Variants in ZNF385B observed in about 807,000 individuals in gnomAD.
ZNF385B encodes zinc finger protein 385B, also known as zinc finger protein 533.
In ZNF385B, 23 loss-of-function variants were observed where a neutral mutation model predicts 39.2. That is an observed-to-expected ratio of 0.59 (90% confidence interval 0.42 to 0.83). The LOEUF (loss-of-function observed/expected upper bound fraction) is 0.83. ZNF385B is among the 40% of genes least tolerant of loss of function. The probability of loss-of-function intolerance (pLI) is 0.00; values close to 1 mark genes in which losing one functional copy is unlikely to be tolerated. For synonymous variants in ZNF385B, 205 were observed against 222.6 expected, an observed-to-expected ratio of 0.92 and a Z score of 0.70; for missense variants, 552 against 598.9, an observed-to-expected ratio of 0.92 and a Z score of 0.82.
intron 3 of ZNF385B, among the ~76,000 whole-genome samples, chr2:179,676,369 T>C (rs1415402993): frequency 1.3e-5 from 2 of 151,664 alleles, no homozygotes; most frequent in Non-Finnish European, 1.5e-5. Context: ...ATTACAGGCG[T>C]GAGCCACCAC....
intron 3 of ZNF385B, among the ~76,000 whole-genome samples, chr2:179,659,579 A>G (rs1694229175): frequency 6.6e-6 from 1 of 152,046 alleles, no homozygotes; most frequent in Non-Finnish European, 1.5e-5. Context: ...CAGCATATTA[A>G]AATTTTACCT....
chr2:179,552,411 T>C (rs1361935792), intron 3 of ZNF385B, among the ~76,000 whole-genome samples: 1 of 149,390 alleles, frequency 6.7e-6, no homozygotes, highest in East Asian at 1.9e-4. Context: ...ATGCCATTAT[T>C]ATGCATGTTC....
chr2:179,807,925 AGAAAGAAG>A (rs1290710312), intron 1 of ZNF385B, among the ~76,000 whole-genome samples: 60 of 114,308 alleles, frequency 5.2e-4, no homozygotes, highest in East Asian at 3.9e-3. Context: ...AAAGAAAGAA[AGAAAGAAG>A]GAAGGAAGGA....
At chr2:179,718,537 G>T (rs867959637) in intron 3 of ZNF385B, among the ~76,000 whole-genome samples, 6 of 147,640 alleles carry the variant, frequency 4.1e-5, no homozygotes, top group African/African-American at 1.2e-4. Context: ...TAAAGAGAGA[G>T]AGATATATAT....
At chr2:179,649,947 G>A (rs1410692654) in intron 3 of ZNF385B, among the ~76,000 whole-genome samples, 5 of 152,082 alleles carry the variant, frequency 3.3e-5, no homozygotes, top group Non-Finnish European at 5.9e-5. Context: ...ACCTGTTTAC[G>A]TTTCCCAGTA....
chr2:179,521,352 A>ATTT (rs1334913392), intron 4 of ZNF385B, among the ~76,000 whole-genome samples: 27 of 34,526 alleles, frequency 7.8e-4, no homozygotes, highest in Non-Finnish European at 1.3e-3. Flanking sequence ...GCACCTGGCC[A>ATTT]GTTTTTTTTT....
chr2:179,850,562 C>G (rs745886363), intron 1 of ZNF385B, among the ~76,000 whole-genome samples: 1 of 152,168 alleles, frequency 6.6e-6, no homozygotes, highest in Admixed American at 6.5e-5. Context: ...AGGCAACTAC[C>G]ATGTCTGTTC....
chr2:179,614,031 G>A (rs1441215909), intron 3 of ZNF385B, among the ~76,000 whole-genome samples: 1 of 151,818 alleles, frequency 6.6e-6, no homozygotes, highest in Non-Finnish European at 1.5e-5. Flanking sequence ...ATATCACTAT[G>A]GTCTCCCTCC....
In ZNF385B at chr2:179,604,434, A is replaced by G. The variant is rs1202470541; in HGVS notation, c.299-59465T>C. 1.3e-5 allele frequency among the ~76,000 whole-genome samples: 2 copies of G among 152,110 alleles called. 1 individual carries two copies. The highest frequency in any genetic ancestry group is 4.8e-5 in the African/African-American group (2 of 41,454). On this transcript the variant is annotated intron_variant, in intron 3 of 9. Transcript: ENST00000410066. ...AAAATACAAAAATAATTCTGGCCCA[A>G]TAAAAGAATGTCCTATTATCTAGAA...
Position 179,480,535 on chromosome 2 carries a change from T to C in ZNF385B, c.715+2737A>G, listed in dbSNP as rs969264998. On this transcript the variant is annotated intron_variant, in intron 6 of 9. Transcript: ENST00000410066. ...GAATTTAGAAACAGGCAATTAACAA[T>C]ACATTAGGTATTACGTTGTTTGGAC... Among the ~76,000 whole-genome samples the C allele has an allele frequency of 4.6e-5, 7 of 152,186 alleles. 1 individual carries two copies. Among genetic ancestry groups the C allele is most frequent in the African/African-American group, 1.7e-4 (7 of 41,450 alleles).
chr2:179,808,926 T>C (rs1487586743), intron 1 of ZNF385B, among the ~76,000 whole-genome samples: 3 of 152,194 alleles, frequency 2.0e-5, no homozygotes, highest in Non-Finnish European at 2.9e-5. Context: ...TGGAAAAATA[T>C]GCCATAGGAC....
At chr2:179,681,101 T>A (rs1161393980) in intron 3 of ZNF385B, among the ~76,000 whole-genome samples, 1 of 147,740 alleles carries the variant, frequency 6.8e-6, no homozygotes, top group East Asian at 2.0e-4. Flanking sequence ...TTTTTGAAAC[T>A]TTTGATTCTA....
At chr2:179,451,775 G>A (rs2050180702) in intron 6 of ZNF385B, among the ~76,000 whole-genome samples, 2 of 152,024 alleles carry the variant, frequency 1.3e-5, no homozygotes, top group Admixed American at 6.6e-5. Context: ...ATATGCAAAT[G>A]TATAAACTTC....
At chr2:179,727,292 T>C (rs1658361890) in intron 3 of ZNF385B, among the ~76,000 whole-genome samples, 1 of 152,080 alleles carries the variant, frequency 6.6e-6, no homozygotes, top group Admixed American at 6.6e-5. Context: ...CAGTTTCAGC[T>C]TTCCAAAAAT....
chr2:179,633,374 C>T (rs141679187), intron 3 of ZNF385B, among the ~76,000 whole-genome samples: 5 of 152,238 alleles, frequency 3.3e-5, no homozygotes, highest in Admixed American at 6.5e-5. Flanking sequence ...TCAGCTTCAT[C>T]CCTGGGATGA....
chr2:179,844,625 G>T (rs1423236796), intron 1 of ZNF385B, among the ~76,000 whole-genome samples: 1 of 152,104 alleles, frequency 6.6e-6, no homozygotes, highest in Non-Finnish European at 1.5e-5. Context: ...CATCATAATT[G>T]TTCAGCCAAA....
Position 179,805,502 on chromosome 2 carries a change from G to A in ZNF385B, c.-154-34830C>T, listed in dbSNP as rs1706293642. On this transcript the variant is annotated intron_variant, in intron 1 of 9. Coordinates refer to ENST00000410066, the MANE Select transcript of ZNF385B (RefSeq NM_152520.6). ...GATTAAGCTCTCATAATTCTAATCT[G>A]TAACTTAACAAATTATATTATTATA... Among the ~76,000 whole-genome samples the A allele has an allele frequency of 2.0e-5, 3 of 152,204 alleles. No individual in the cohort carries two copies. In the South Asian group the frequency reaches 6.2e-4, roughly 32 times the overall value.
chr2:179,557,116 G>A lies in ZNF385B; in HGVS notation c.299-12147C>T, dbSNP rs897597995. On this transcript the variant is annotated intron_variant, in intron 3 of 9. Coordinates refer to ENST00000410066, the MANE Select transcript of ZNF385B (RefSeq NM_152520.6). ...TTTTGTATAACAAAAATGGGATTTG[G>A]AGAGCTTAATCTACCATGGTACCTG... Among the ~76,000 whole-genome samples, 25 of 149,066 alleles carry A rather than the reference G, an allele frequency of 1.7e-4. 1 individual carries two copies. The highest frequency in any genetic ancestry group is 6.1e-4 in the African/African-American group (24 of 39,472).
chr2:179,445,904 A>G (rs1317202230), intron 7 of ZNF385B, among the ~76,000 whole-genome samples, 176 bp from the exon 8 acceptor site: 1 of 152,210 alleles, frequency 6.6e-6, no homozygotes, highest in Non-Finnish European at 1.5e-5. Context: ...GAAAAATGTA[A>G]GCGTATATAA....
Sources: allele counts gnomAD v4.1 joint callset (sites outside exome capture counted in the v4.1 genomes callset), GRCh38; gene constraint gnomAD v4.1.1; transcripts MANE v1.5; gene names NCBI Gene and HGNC (gene_info 2026-07-23, HGNC 2026-07-21).